EPS8: variants seen among roughly 807,000 people sequenced by gnomAD.
EPS8 encodes epidermal growth factor receptor kinase substrate 8.
Under a neutral mutation model 103.8 loss-of-function variants are expected in EPS8, and 42 were observed. That is an observed-to-expected ratio of 0.40 (90% CI 0.32 to 0.52). The LOEUF is 0.52. Ranked by LOEUF, EPS8 falls within the 20% of genes least tolerant of loss-of-function variation. EPS8 has a pLI of 0.40. For missense variants in EPS8, 969 were observed against 1,005.1 expected (o/e 0.96, Z 0.49); for synonymous variants, 344 against 344.6 (o/e 1.00, Z 0.02).
chr12:15,652,735 G>A (rs1280755277), intron 13 of EPS8, among the ~76,000 whole-genome samples: 1 of 152,048 alleles, frequency 6.6e-6, no homozygotes, highest in Non-Finnish European at 1.5e-5. Flanking sequence ...CAACTGCAAT[G>A]CTTTCAAAGA....
rs1418942884 is a variant in EPS8 at position 15,785,871 on chromosome 12, T to G, written c.-22+3290A>C. Among the ~76,000 whole-genome samples, 1 of 151,998 alleles carries G rather than the reference T, an allele frequency of 6.6e-6. No homozygotes were observed. The highest frequency in any genetic ancestry group is 2.4e-5 in the African/African-American group (1 of 41,424). On this transcript the variant is annotated intron_variant, in intron 1 of 20. Coordinates refer to ENST00000281172, the MANE Select transcript of EPS8 (RefSeq NM_004447.6). This position sits in a 1 kb window ranked among gnomAD's most constrained non-coding sequence, Gnocchi z 4.9. ...GAGTCAAGCTGTAACAAAGTAGCAT[T>G]GTATTATAACCCAAAATATTTAGAT...
chr12:15,653,658 G>A (rs1450224479), intron 13 of EPS8, among the ~76,000 whole-genome samples: 7 of 152,214 alleles, frequency 4.6e-5, no homozygotes. Flanking sequence ...CATGGCACGA[G>A]TTCACATCCC....
At chr12:15,719,216 T>TATACAC (rs200216763) in intron 1 of EPS8, among the ~76,000 whole-genome samples, 1 of 151,928 alleles carries the variant, frequency 6.6e-6, no homozygotes, top group Admixed American at 6.6e-5. Context: ...TATATATATA[T>TATACAC]ACACACATAC....
chr12:15,650,896 T>A lies in EPS8; in HGVS notation c.1361A>T (p.Tyr454Phe). 21 of 1,614,144 alleles carry A rather than the reference T, an allele frequency of 1.3e-5. No individual in the cohort carries two copies. Among genetic ancestry groups the A allele is most frequent in the Non-Finnish European group, 1.8e-5 (21 of 1,179,992 alleles). Residue 454 changes from tyrosine (Y) to phenylalanine (F), a missense_variant, in exon 14 of 21, where the codon TAT (tyrosine) becomes TTT (phenylalanine). Transcript: ENST00000281172. ...ATTTGCCACAGATTCTGCCAGTTGA[T>A]AAAGATCTTGTTCCATTGTGGCTCC... ...FMGATMEQDL[Y>F]QLAESVANVA... is the part of the protein sequence containing the mutation.
At chr12:15,663,227 A>C (rs901907723) in intron 8 of EPS8, among the ~76,000 whole-genome samples, 5 of 152,082 alleles carry the variant, frequency 3.3e-5, no homozygotes, top group African/African-American at 1.2e-4. Flanking sequence ...AAAAAATATC[A>C]TTTGGAGGGC....
In EPS8 at chr12:15,779,767, A is replaced by G. The variant is rs1389740363; in HGVS notation, c.-22+9394T>C. Among the ~76,000 whole-genome samples, 1 of 152,142 alleles carries G rather than the reference A, an allele frequency of 6.6e-6. No individual in the cohort carries two copies. Among genetic ancestry groups the G allele is most frequent in the African/African-American group, 2.4e-5 (1 of 41,434 alleles). ...TTTTTCTTCTCCCCTTATATTAAAA[A>G]CACAATTTTTCAATTATAGAACTCT... On this transcript the variant is annotated intron_variant, in intron 1 of 20. Transcript: ENST00000281172. The surrounding 1 kb of genome is among the most constrained non-coding windows in gnomAD (Gnocchi z 4.3).
chr12:15,698,750 A>T lies in EPS8; in HGVS notation c.-21-15778T>A, dbSNP rs1946273801. Among the ~76,000 whole-genome samples the T allele has an allele frequency of 6.6e-6, 1 of 152,124 alleles. No individual in the cohort carries two copies. The highest frequency in any genetic ancestry group is 2.1e-4 in the South Asian group (1 of 4,822). ...GCCAGTTTGAAATTTAGGAGATAGGAGATTCAGTGTTTACAAGAATGGTGT... is the reference window on the plus strand; with the variant it reads ...GCCAGTTTGAAATTTAGGAGATAGGTGATTCAGTGTTTACAAGAATGGTGT... On this transcript the variant is annotated intron_variant, in intron 1 of 20. Coordinates refer to ENST00000281172, the MANE Select transcript of EPS8 (RefSeq NM_004447.6). The surrounding 1 kb of genome is among the most constrained non-coding windows in gnomAD (Gnocchi z 4.9).
In EPS8 at chr12:15,718,542, T is replaced by G. The variant is rs563959553; in HGVS notation, c.-21-35570A>C. ...AATTGAAGCAGGGAAAATGAAAGCT[T>G]TTGGCATGTAGTATCAATATTTCCC... On this transcript the variant is annotated intron_variant, in intron 1 of 20. Coordinates refer to ENST00000281172, the MANE Select transcript of EPS8 (RefSeq NM_004447.6). Among the ~76,000 whole-genome samples, 34 of 152,308 alleles carry G rather than the reference T, an allele frequency of 2.2e-4. No homozygotes were observed. The East Asian group carries it at 6.4e-3, about 29-fold the overall frequency.
intron 17 of EPS8, among the ~76,000 whole-genome samples, chr12:15,639,983 T>G (rs1223743615): frequency 2.0e-5 from 3 of 152,156 alleles, no homozygotes; most frequent in African/African-American, 7.2e-5. Flanking sequence ...CAGACCTAAC[T>G]CTAGAGAGCC....
intron 1 of EPS8, among the ~76,000 whole-genome samples, chr12:15,705,734 G>C (rs1258702537): frequency 6.6e-6 from 1 of 152,092 alleles, no homozygotes; most frequent in Non-Finnish European, 1.5e-5. Flanking sequence ...GCAATAGTTA[G>C]AATACCCTCT....
At chr12:15,655,103 A>G (rs962837405) in intron 12 of EPS8, among the ~76,000 whole-genome samples, 5 of 152,188 alleles carry the variant, frequency 3.3e-5, no homozygotes, top group African/African-American at 1.2e-4. Flanking sequence ...GGCTCCAATC[A>G]TCCAGGTGTT....
intron 1 of EPS8, among the ~76,000 whole-genome samples, chr12:15,732,450 C>T (rs1009875081): frequency 6.6e-6 from 1 of 152,126 alleles, no homozygotes; most frequent in Non-Finnish European, 1.5e-5. Context: ...TACACTATCT[C>T]ATTTAATCCT....
At chr12:15,718,852 G>A (rs1290700053) in intron 1 of EPS8, among the ~76,000 whole-genome samples, 2 of 151,992 alleles carry the variant, frequency 1.3e-5, no homozygotes, top group Non-Finnish European at 2.9e-5. Context: ...GAGTGCTTCC[G>A]GGTTCTTAAG....
rs762941265 is a variant in EPS8 at position 15,733,295 on chromosome 12, G to A, written c.-21-50323C>T. 2.6e-5 allele frequency among the ~76,000 whole-genome samples: 4 copies of A among 152,292 alleles called. No individual in the cohort carries two copies. The highest frequency in any genetic ancestry group is 4.4e-5 in the Non-Finnish European group (3 of 68,028). ...TCTAACAGGTGAGAGGGGACAGTGT[G>A]TGAAGGAGGAACTGTCAAACACTTA... On this transcript the variant is annotated intron_variant, in intron 1 of 20. Transcript: ENST00000281172. This position sits in a 1 kb window ranked among gnomAD's most constrained non-coding sequence, Gnocchi z 4.8.
At chr12:15,740,927 A>T (rs906430190) in intron 1 of EPS8, among the ~76,000 whole-genome samples, 1 of 152,134 alleles carries the variant, frequency 6.6e-6, no homozygotes, top group African/African-American at 2.4e-5. Context: ...TTTCTTTTTT[A>T]AAAAATGGTG....
At chr12:15,664,528 C>T (rs1419483530) in intron 8 of EPS8, among the ~76,000 whole-genome samples, 1 of 152,130 alleles carries the variant, frequency 6.6e-6, no homozygotes, top group East Asian at 1.9e-4. Context: ...GAATTATTAT[C>T]CCCATTTCAG....
chr12:15,778,775 G>A lies in EPS8; in HGVS notation c.-22+10386C>T, dbSNP rs1381262264. 2.0e-5 allele frequency among the ~76,000 whole-genome samples: 3 copies of A among 152,102 alleles called. No homozygotes were observed. The highest frequency in any genetic ancestry group is 7.2e-5 in the African/African-American group (3 of 41,418). On this transcript the variant is annotated intron_variant, in intron 1 of 20. Transcript: ENST00000281172. The surrounding 1 kb of genome is among the most constrained non-coding windows in gnomAD (Gnocchi z 4.5). Reference sequence around the variant, plus strand: ...CAAGCTGTTCATGCCTTTATGGGGGGAATAAAGGTAGTAAATCTACTTAAA... The same window carrying A: ...CAAGCTGTTCATGCCTTTATGGGGGAAATAAAGGTAGTAAATCTACTTAAA...
Position 15,748,721 on chromosome 12 carries a change from TTA to T in EPS8, c.-22+40438_-22+40439del, listed in dbSNP as rs1946899968. ...AGAAAATTCTATTCTGCAACAAGTT[TTA>T]TGTCAGGTAAAGACAGAATATCCAA... On this transcript the variant is annotated intron_variant, in intron 1 of 20. Coordinates refer to ENST00000281172, the MANE Select transcript of EPS8 (RefSeq NM_004447.6). This position sits in a 1 kb window ranked among gnomAD's most constrained non-coding sequence, Gnocchi z 4.8. 6.6e-6 allele frequency among the ~76,000 whole-genome samples: 1 copy of T among 152,314 alleles called. No homozygotes were observed. Among genetic ancestry groups the T allele is most frequent in the South Asian group, 2.1e-4 (1 of 4,828 alleles).
At chr12:15,744,151 A>C (rs1020276569) in intron 1 of EPS8, among the ~76,000 whole-genome samples, 1 of 152,254 alleles carries the variant, frequency 6.6e-6, no homozygotes, top group South Asian at 2.1e-4. Context: ...GCCAACAGAC[A>C]CATGAAAAAA....
Sources: gnomAD v4.1 joint callset for allele counts (sites outside exome capture counted in the v4.1 genomes callset) on GRCh38, gnomAD v4.1.1 for gene constraint, Gnocchi (gnomAD v3.1) non-coding constraint, MANE v1.5 for transcripts, NCBI Gene and HGNC (gene_info 2026-07-23, HGNC 2026-07-21) for gene names.